MAP2K5: variants seen among roughly 807,000 people sequenced by gnomAD.
MAP2K5 encodes mitogen-activated protein kinase kinase 5.
A neutral mutation model predicts 83.1 loss-of-function variants in MAP2K5; 49 were observed. The ratio of observed to expected loss-of-function variants is 0.59; its 90% CI spans 0.47 to 0.75. The LOEUF (loss-of-function observed/expected upper bound fraction) is 0.75. Ranked by LOEUF, MAP2K5 falls within the 30% of genes least tolerant of loss-of-function variation. The pLI, the probability that MAP2K5 is intolerant of heterozygous loss-of-function variation, is 0.00. For missense variants in MAP2K5, 457 were observed against 557.5 expected (o/e 0.82, Z 1.82); for synonymous variants, 202 against 191.8 (o/e 1.05, Z -0.44).
At chr15:67,558,512 ACAC>A (rs2084671803) in intron 2 of MAP2K5, among the ~76,000 whole-genome samples, 1 of 152,180 alleles carries the variant, frequency 6.6e-6, no homozygotes, top group African/African-American at 2.4e-5. Flanking sequence ...AAGTCAGGTG[ACAC>A]CACCACGCTC....
Position 67,690,989 on chromosome 15 carries a change from C to T in MAP2K5, c.848-1490C>T, listed in dbSNP as rs2088098467. 1.3e-5 allele frequency among the ~76,000 whole-genome samples: 2 copies of T among 152,306 alleles called. 1 individual carries two copies. Among genetic ancestry groups the T allele is most frequent in the South Asian group, 4.1e-4 (2 of 4,822 alleles). On this transcript the variant is annotated intron_variant, in intron 13 of 21. Coordinates refer to ENST00000178640, the MANE Select transcript of MAP2K5 (RefSeq NM_145160.3). The surrounding 1 kb of genome is among the most constrained non-coding windows in gnomAD (Gnocchi z 4.3). Reference sequence around the variant, plus strand: ...CGATGATACCGATAAAAAGAGCTTACACCTGCCTGTGCATACCAACTTGAA... The same window carrying T: ...CGATGATACCGATAAAAAGAGCTTATACCTGCCTGTGCATACCAACTTGAA...
rs372376117 is a variant in MAP2K5, at chr15:67,769,564, G to T, written c.1135-38G>T. Reference sequence around the variant, plus strand: ...GGAATATAAAGAAAGAGAAGGAACTGTTGTGACTTTTGGTGACATGTTTTT... The same window carrying T: ...GGAATATAAAGAAAGAGAAGGAACTTTTGTGACTTTTGGTGACATGTTTTT... On this transcript the variant is annotated intron_variant, in intron 19 of 21. Transcript: ENST00000178640. The surrounding 1 kb of genome is among the most constrained non-coding windows in gnomAD (Gnocchi z 5.2). 4 of 1,598,274 alleles carry T rather than the reference G, an allele frequency of 2.5e-6. No homozygotes were observed. In the African/African-American group the frequency reaches 5.4e-5, roughly 21 times the overall value.
intron 12 of MAP2K5, chr15:67,659,206 A>C: frequency 5.8e-6 from 1 of 172,834 alleles, no homozygotes; most frequent in South Asian, 1.3e-4. Flanking sequence ...ATGTTCTCAT[A>C]AGTTCCATAT....
chr15:67,726,044 T>C (rs760275752), intron 16 of MAP2K5, among the ~76,000 whole-genome samples: 1 of 152,224 alleles, frequency 6.6e-6, no homozygotes, highest in Admixed American at 6.5e-5. Flanking sequence ...TGTGATGTTT[T>C]TGTTATGTAC....
rs1475706635 is a variant in MAP2K5, at chr15:67,806,837, G to A, written c.*87G>A. ...CCTTCTCCGTATGCTGCCTGCGCCA[G>A]AAGAGCTTTGCTGGGCCCTGGCTTC... On this transcript the variant is annotated 3_prime_UTR_variant, in exon 22 of 22. Coordinates refer to ENST00000178640, the MANE Select transcript of MAP2K5 (RefSeq NM_145160.3). 1 of 1,597,288 alleles carries A rather than the reference G, an allele frequency of 6.3e-7. No individual in the cohort carries two copies. Among genetic ancestry groups the A allele is most frequent in the Non-Finnish European group, 8.5e-7 (1 of 1,179,176 alleles).
intron 9 of MAP2K5, among the ~76,000 whole-genome samples, chr15:67,631,683 C>T (rs927937773): frequency 2.6e-5 from 4 of 152,214 alleles, no homozygotes; most frequent in African/African-American, 7.2e-5. Flanking sequence ...ATAATTCATA[C>T]TTCATCTCTG....
At chr15:67,685,553 T>G (rs2087932665) in intron 13 of MAP2K5, among the ~76,000 whole-genome samples, 1 of 152,194 alleles carries the variant, frequency 6.6e-6, no homozygotes, top group Non-Finnish European at 1.5e-5. Context: ...CACTTCTAAA[T>G]GTCTTTAAAA....
rs565466641 is a variant in MAP2K5 at position 67,690,566 on chromosome 15, C to T, written c.848-1913C>T. Among the ~76,000 whole-genome samples, 90 of 150,530 alleles carry T rather than the reference C, an allele frequency of 6.0e-4. No individual in the cohort carries two copies. Among genetic ancestry groups the T allele is most frequent in the African/African-American group, 2.0e-3 (83 of 40,910 alleles). ...TTTTTTTTTTTTGAGACAAGTCTCG[C>T]TCTGATACCCAGGCTACAGTGCAGT... is the stretch of plus-strand genomic sequence containing the variant. On this transcript the variant is annotated intron_variant, in intron 13 of 21. Transcript: ENST00000178640. The surrounding 1 kb of genome is among the most constrained non-coding windows in gnomAD (Gnocchi z 4.3).
intron 16 of MAP2K5, among the ~76,000 whole-genome samples, chr15:67,723,552 A>G (rs552158751): frequency 6.6e-6 from 1 of 152,316 alleles, no homozygotes; most frequent in South Asian, 2.1e-4. Context: ...AATCTTAAGT[A>G]TTTGGAATTA....
intron 11 of MAP2K5, among the ~76,000 whole-genome samples, chr15:67,653,278 G>A (rs1193314433): frequency 2.6e-5 from 3 of 114,340 alleles, no homozygotes; most frequent in Non-Finnish European, 5.2e-5. Flanking sequence ...CAGTTTCTCT[G>A]TTTAAAATAT....
chr15:67,673,915 C>T (rs2087611847), intron 13 of MAP2K5, among the ~76,000 whole-genome samples: 1 of 152,134 alleles, frequency 6.6e-6, no homozygotes, highest in African/African-American at 2.4e-5. Flanking sequence ...GTGGCACAAT[C>T]TCGGCTCACT....
intron 3 of MAP2K5, among the ~76,000 whole-genome samples, chr15:67,576,928 AT>A (rs1312276789): frequency 0.038 from 5,119 of 136,394 alleles, 363 homozygotes; most frequent in African/African-American, 0.11. Flanking sequence ...CTATATATAT[AT>A]TTTTTTTTTT....
Position 67,660,860 on chromosome 15 carries a change from T to A in MAP2K5, c.798+2246T>A, listed in dbSNP as rs182099369. On this transcript the variant is annotated intron_variant, in intron 12 of 21. Transcript: ENST00000178640. ...CTCTTGCTTTCTCAGTGTGTTTTCCTAACAGAATGAGAAAAAAAAAAAATA... is the reference window on the plus strand; with the variant it reads ...CTCTTGCTTTCTCAGTGTGTTTTCCAAACAGAATGAGAAAAAAAAAAAATA... Among the ~76,000 whole-genome samples the A allele has an allele frequency of 8.8e-3, 653 of 73,954 alleles. 3 individuals are homozygous for A. Among genetic ancestry groups the A allele is most frequent in the African/African-American group, 0.025 (508 of 20,428 alleles). The allele number at this position is 73,954 out of a possible 152,430, so 48.5% of individuals were successfully genotyped here.
intron 19 of MAP2K5, among the ~76,000 whole-genome samples, chr15:67,756,493 T>C (rs1040774394): frequency 4.0e-5 from 6 of 150,834 alleles, no homozygotes; most frequent in Admixed American, 4.0e-4. Flanking sequence ...CAAGCTAATA[T>C]ATCTAACCCC....
Position 67,794,107 on chromosome 15 carries a change from A to G in MAP2K5, c.1243-12539A>G, listed in dbSNP as rs899164475. On this transcript the variant is annotated intron_variant, in intron 21 of 21. Coordinates refer to ENST00000178640, the MANE Select transcript of MAP2K5 (RefSeq NM_145160.3). The surrounding 1 kb of genome is among the most constrained non-coding windows in gnomAD (Gnocchi z 4.6). The stretch of plus-strand genomic sequence containing the variant: ...AGGTGGCCAGCTTATTTGTAACCAA[A>G]GTGTGCTCCCTCAGTCATTCATTCT... 1.3e-5 allele frequency among the ~76,000 whole-genome samples: 2 copies of G among 152,234 alleles called. No individual in the cohort carries two copies. The highest frequency in any genetic ancestry group is 4.8e-5 in the African/African-American group (2 of 41,470).
At chr15:67,655,822 C>T (rs1161014641) in intron 11 of MAP2K5, among the ~76,000 whole-genome samples, 1 of 152,090 alleles carries the variant, frequency 6.6e-6, no homozygotes, top group African/African-American at 2.4e-5. Flanking sequence ...TACCTTTTCT[C>T]CTCTCTTTCT....
At position 67,781,198 on chromosome 15, in the gene MAP2K5, G is replaced by A. The variant is rs1248668876; in HGVS notation, c.1242+8446G>A. On this transcript the variant is annotated intron_variant, in intron 21 of 21. Transcript: ENST00000178640. This position sits in a 1 kb window ranked among gnomAD's most constrained non-coding sequence, Gnocchi z 4.0. ...TGGGATTTGGGAATTGCTGTTGAAG[G>A]TAGCAAAGTTGTTTTCCTGTGAGTA... Among the ~76,000 whole-genome samples, 3 of 152,090 alleles carry A rather than the reference G, an allele frequency of 2.0e-5. No individual in the cohort carries two copies. The highest frequency in any genetic ancestry group is 4.4e-5 in the Non-Finnish European group (3 of 68,028).
chr15:67,564,463 A>G (rs922038119), intron 3 of MAP2K5, among the ~76,000 whole-genome samples: 2 of 152,188 alleles, frequency 1.3e-5, no homozygotes, highest in Admixed American at 6.5e-5. Context: ...ATATTGTTTC[A>G]TTGTAATGAA....
chr15:67,550,031 T>G lies in MAP2K5; in HGVS notation c.136-3T>G. 6.2e-7 allele frequency: 1 copy of G among 1,611,748 alleles called. No homozygotes were observed. The highest frequency in any genetic ancestry group is 1.1e-5 in the South Asian group (1 of 91,014). On this transcript the variant is annotated splice_region_variant and splice_polypyrimidine_tract_variant and intron_variant, in intron 1 of 21. Transcript: ENST00000178640. ...TGTGTTTCTTTATTCTTTCTTTGTT[T>G]AGGATGTGATAGGCCAGGTTCTGCC... is the stretch of plus-strand genomic sequence containing the variant.
Sources: gnomAD v4.1 joint callset for allele counts (sites outside exome capture counted in the v4.1 genomes callset) on GRCh38, gnomAD v4.1.1 for gene constraint, Gnocchi (gnomAD v3.1) non-coding constraint, MANE v1.5 for transcripts, NCBI Gene and HGNC (gene_info 2026-07-23, HGNC 2026-07-21) for gene names.